NMU: variants seen among roughly 807,000 people sequenced by gnomAD.
The protein encoded by NMU is neuromedin-U.
A neutral mutation model predicts 35.4 loss-of-function variants in NMU; 29 were observed. The observed-to-expected ratio is 0.82, with a 90% confidence interval of 0.61 to 1.12. The LOEUF is 1.12. Ranked by LOEUF, NMU falls within the 50% of genes most tolerant of loss-of-function variation. The probability of loss-of-function intolerance (pLI) is 0.00; values close to 1 mark genes in which losing one functional copy is unlikely to be tolerated. For synonymous variants in NMU, 78 were observed against 81.3 expected (o/e 0.96, Z 0.22); for missense variants, 199 against 206.2 (o/e 0.97, Z 0.21).
chr4:55,626,224 A>G (rs1254845870), intron 2 of NMU, among the ~76,000 whole-genome samples: 1 of 152,190 alleles, frequency 6.6e-6, no homozygotes, highest in Non-Finnish European at 1.5e-5. Context: ...TTTTCATTTC[A>G]TTGTTACTAA....
At chr4:55,604,462 C>T (rs1327253260) in intron 7 of NMU, among the ~76,000 whole-genome samples, 1 of 151,470 alleles carries the variant, frequency 6.6e-6, no homozygotes, top group Non-Finnish European at 1.5e-5. Flanking sequence ...GGATTTAGGT[C>T]ACATTTTTTG....
intron 7 of NMU, among the ~76,000 whole-genome samples, chr4:55,601,261 TA>T (rs1242456308): frequency 1.3e-5 from 2 of 152,166 alleles, no homozygotes; most frequent in African/African-American, 2.4e-5. Flanking sequence ...AATTGGCTTA[TA>T]GCTTCAACTT....
intron 1 of NMU, among the ~76,000 whole-genome samples, chr4:55,633,311 C>A (rs1478872409): frequency 6.9e-6 from 1 of 145,820 alleles, no homozygotes; most frequent in Non-Finnish European, 1.5e-5. Context: ...GGCAACAGAT[C>A]GAGATTCTGT....
chr4:55,616,574 T>C (rs1013453926), intron 2 of NMU, among the ~76,000 whole-genome samples, 189 bp from the exon 3 acceptor site: 2 of 152,196 alleles, frequency 1.3e-5, no homozygotes, highest in African/African-American at 4.8e-5. Context: ...TCCCTCAAGA[T>C]GTCCCCCTGA....
At chr4:55,606,450 A>G (rs995090602) in intron 6 of NMU, among the ~76,000 whole-genome samples, 2 of 152,186 alleles carry the variant, frequency 1.3e-5, no homozygotes, top group African/African-American at 4.8e-5. Context: ...TCTCACATTA[A>G]ATGCCTAATT....
At chr4:55,608,174 CAA>C (rs3035745) in intron 4 of NMU, among the ~76,000 whole-genome samples, 1 of 110,408 alleles carries the variant, frequency 9.1e-6, no homozygotes. Flanking sequence ...GACTCCATCT[CAA>C]AAAAAAAAAA....
At chr4:55,600,438 T>G in intron 8 of NMU, 84 bp downstream of exon 8, 2 of 922,036 alleles carry the variant, frequency 2.2e-6, no homozygotes, top group Non-Finnish European at 1.8e-6. Flanking sequence ...AAAACTTAAT[T>G]GAAATGTAAA....
intron 2 of NMU, among the ~76,000 whole-genome samples, chr4:55,629,650 G>T (rs530744640): frequency 6.7e-6 from 1 of 149,434 alleles, no homozygotes; most frequent in Non-Finnish European, 1.5e-5. Context: ...ATTCCTGGGC[G>T]GAAGTAATCC....
intron 4 of NMU, among the ~76,000 whole-genome samples, chr4:55,608,195 T>C (rs959689343): frequency 9.3e-6 from 1 of 107,998 alleles, no homozygotes; most frequent in Non-Finnish European, 2.0e-5. Flanking sequence ...AAAAAAAAAA[T>C]TTAAATCTTA....
Position 55,630,392 on chromosome 4 carries a change from A to C in NMU, c.171+10T>G. On this transcript the variant is annotated intron_variant, in intron 2 of 9. Transcript: ENST00000264218. ...AGTTTCTACAAATTTGTGTGATGAT[A>C]GTTCCTTACCTCATTCCACAACTGT... is the stretch of plus-strand genomic sequence containing the variant. 1 of 1,598,854 alleles carries C rather than the reference A, an allele frequency of 6.3e-7. No homozygotes were observed. The highest frequency in any genetic ancestry group is 8.6e-7 in the Non-Finnish European group (1 of 1,166,428).
intron 4 of NMU, 64 bp from the exon 5 acceptor site, chr4:55,607,530 T>C (rs1256113548): frequency 8.6e-6 from 5 of 578,188 alleles, no homozygotes; most frequent in Non-Finnish European, 1.5e-5. Context: ...TTATATACAG[T>C]AATTTTATAA....
intron 7 of NMU, among the ~76,000 whole-genome samples, chr4:55,601,191 T>C (rs1357491012): frequency 6.6e-6 from 1 of 152,124 alleles, no homozygotes; most frequent in Non-Finnish European, 1.5e-5. Context: ...TATCTTTTTC[T>C]TAAACATTTC....
chr4:55,595,612 T>G (rs1733142436), intron 9 of NMU, among the ~76,000 whole-genome samples: 1 of 65,192 alleles, frequency 1.5e-5, no homozygotes, highest in Non-Finnish European at 3.1e-5. Flanking sequence ...AATATATATA[T>G]GTGTGTGTGT....
chr4:55,603,954 T>TACAC (rs1182097015), intron 7 of NMU, among the ~76,000 whole-genome samples: 1 of 138,808 alleles, frequency 7.2e-6, no homozygotes, highest in East Asian at 2.1e-4. Flanking sequence ...TATGTATATA[T>TACAC]GTGTATATAT....
intron 7 of NMU, among the ~76,000 whole-genome samples, chr4:55,604,015 G>GTATATATACA (rs1560513668): frequency 7.6e-6 from 1 of 131,380 alleles, no homozygotes; most frequent in African/African-American, 2.7e-5. Flanking sequence ...ATGTATATAT[G>GTATATATACA]TGTATATATA....
intron 9 of NMU, among the ~76,000 whole-genome samples, chr4:55,597,802 A>G (rs1446832954): frequency 6.6e-6 from 1 of 152,182 alleles, no homozygotes; most frequent in East Asian, 1.9e-4. Flanking sequence ...CCAGGTTTCC[A>G]AACTGATGTG....
rs1873091 is a variant in NMU, at chr4:55,605,266, A to T, written c.435+9T>A. The stretch of plus-strand genomic sequence containing the variant: ...ATGGCAAAGCCAGCATGCAGTTTGT[A>T]TTACATACGTCCACTCTGAATCTCT... On this transcript the variant is annotated intron_variant, in intron 7 of 9. Coordinates refer to ENST00000264218, the MANE Select transcript of NMU (RefSeq NM_006681.4). 3 of 1,596,902 alleles carry T rather than the reference A, an allele frequency of 1.9e-6. No individual in the cohort carries two copies. The South Asian group carries it at 3.3e-5, about 18-fold the overall frequency.
intron 9 of NMU, among the ~76,000 whole-genome samples, chr4:55,595,641 A>ATTT (rs1350425305): frequency 1.4e-4 from 9 of 63,194 alleles, no homozygotes; most frequent in African/African-American, 6.4e-4. Flanking sequence ...ATATATATAT[A>ATTT]TATTTTTTTT....
rs368243122 is a variant in NMU, at chr4:55,608,470, A to G, written c.279+650T>C. Among the ~76,000 whole-genome samples the G allele has an allele frequency of 4.3e-4, 66 of 152,296 alleles. 1 individual carries two copies. In the East Asian group the frequency reaches 5.4e-3, roughly 12 times the overall value. ...AAGGTATGGAAGTCAGAGTGTACCA[A>G]TCACCACAGATTAAGTTAGAATTGC... On this transcript the variant is annotated intron_variant, in intron 4 of 9. Transcript: ENST00000264218.
Sources: gnomAD v4.1 joint callset for allele counts (sites outside exome capture counted in the v4.1 genomes callset) on GRCh38, gnomAD v4.1.1 for gene constraint, MANE v1.5 for transcripts, NCBI Gene and HGNC (gene_info 2026-07-23, HGNC 2026-07-21) for gene names.